Variants in RASGEF1C observed in about 807,000 individuals in gnomAD.
The protein encoded by RASGEF1C is RasGEF domain family member 1C.
A neutral mutation model predicts 58.1 loss-of-function variants in RASGEF1C; 27 were observed. That is an observed-to-expected ratio of 0.46 (90% CI 0.34 to 0.64). The LOEUF is 0.64. Among genes scored for constraint, RASGEF1C ranks in the 30% least tolerant of loss-of-function variants. The pLI is 0.01. For synonymous variants in RASGEF1C, 243 were observed against 246.3 expected (o/e 0.99, Z 0.13); for missense variants, 502 against 605.1 (o/e 0.83, Z 1.79).
At chr5:180,176,077 C>T (rs1319497123) in intron 1 of RASGEF1C, among the ~76,000 whole-genome samples, 1 of 152,256 alleles carries the variant, frequency 6.6e-6, no homozygotes, top group African/African-American at 2.4e-5. Flanking sequence ...ATCAGCCCAA[C>T]CCAAAGAGGC....
chr5:180,191,525 T>A (rs1435204125), intron 1 of RASGEF1C, among the ~76,000 whole-genome samples: 1 of 151,708 alleles, frequency 6.6e-6, no homozygotes, highest in Non-Finnish European at 1.5e-5. Context: ...GCCGGCTGAT[T>A]TTTTGTATAT....
At chr5:180,192,260 T>A (rs994409328) in intron 1 of RASGEF1C, among the ~76,000 whole-genome samples, 3 of 152,148 alleles carry the variant, frequency 2.0e-5, no homozygotes, top group African/African-American at 7.2e-5. Flanking sequence ...TTGGAACCCA[T>A]ACAATGGAAA....
chr5:180,136,532 G>C lies in RASGEF1C; in HGVS notation c.301-17C>G, dbSNP rs2890346. ...GACCCGGGCCTACGGGCAAGCGAGG[G>C]GCACCGCGCTCGTGAGGGGCGCCGG... On this transcript the variant is annotated splice_polypyrimidine_tract_variant and intron_variant, in intron 3 of 13. Transcript: ENST00000361132. 536,790 of 1,565,376 alleles carry C rather than the reference G, an allele frequency of 0.34. 96,290 individuals carry two copies. Among genetic ancestry groups the C allele is most frequent in the Non-Finnish European group, 0.37 (431,000 of 1,154,350 alleles).
chr5:180,190,472 A>G (rs192146466), intron 1 of RASGEF1C, among the ~76,000 whole-genome samples: 1 of 123,488 alleles, frequency 8.1e-6, no homozygotes, highest in Admixed American at 9.0e-5. Flanking sequence ...ACTGGGTGAC[A>G]GAGTGAGACT....
intron 1 of RASGEF1C, among the ~76,000 whole-genome samples, chr5:180,144,657 T>TA (rs896988577): frequency 1.4e-4 from 21 of 151,886 alleles, no homozygotes; most frequent in Non-Finnish European, 2.8e-4. Flanking sequence ...AAATAAAAAT[T>TA]AAAAAAATAT....
At chr5:180,144,172 A>G (rs1766628722) in intron 1 of RASGEF1C, among the ~76,000 whole-genome samples, 1 of 152,186 alleles carries the variant, frequency 6.6e-6, no homozygotes, top group South Asian at 2.1e-4. Flanking sequence ...ACTGCTGTTA[A>G]CCAAGGCTCT....
At chr5:180,154,917 C>A (rs1382104801) in intron 1 of RASGEF1C, among the ~76,000 whole-genome samples, 1 of 152,154 alleles carries the variant, frequency 6.6e-6, no homozygotes, top group Non-Finnish European at 1.5e-5. Context: ...AGCTCCTGGC[C>A]CTGGACCTTT....
At chr5:180,200,799 TCCTCTAA>T (rs1283551610) in intron 1 of RASGEF1C, among the ~76,000 whole-genome samples, 1 of 151,948 alleles carries the variant, frequency 6.6e-6, no homozygotes, top group Non-Finnish European at 1.5e-5. Flanking sequence ...GGGCGCGCGC[TCCTCTAA>T]CTGGTGTGGG....
At position 180,126,234 on chromosome 5, in the gene RASGEF1C, T is replaced by C. The variant is rs371912775; in HGVS notation, c.714+1375A>G. ...CATCATGGCTTACACGGTGAAACCC[T>C]GTCTCTACTAAAAATACAAAAAATT... is the stretch of plus-strand genomic sequence containing the variant. On this transcript the variant is annotated intron_variant, in intron 6 of 13. Coordinates refer to ENST00000361132, the MANE Select transcript of RASGEF1C (RefSeq NM_175062.4). Among the ~76,000 whole-genome samples, 1,341 of 152,218 alleles carry C rather than the reference T, an allele frequency of 8.8e-3. 19 individuals carry two copies. The highest frequency in any genetic ancestry group is 0.03 in the African/African-American group (1,265 of 41,518).
At chr5:180,121,988 G>A (rs142447851) in intron 6 of RASGEF1C, among the ~76,000 whole-genome samples, 2,162 of 152,240 alleles carry the variant, frequency 0.014, 21 homozygotes, top group Non-Finnish European at 0.023. Flanking sequence ...ATTCCCATGC[G>A]CACAAAGGCT....
intron 4 of RASGEF1C, among the ~76,000 whole-genome samples, chr5:180,135,053 C>CA (rs1554112748): frequency 2.8e-5 from 4 of 144,366 alleles, no homozygotes; most frequent in Admixed American, 7.0e-5. Flanking sequence ...CCACCCCCCC[C>CA]GTCCAATCAT....
intron 1 of RASGEF1C, among the ~76,000 whole-genome samples, chr5:180,174,761 C>T (rs1180873649): frequency 1.3e-5 from 2 of 152,142 alleles, no homozygotes; most frequent in South Asian, 2.1e-4. Context: ...GCGCACAGAT[C>T]GCACACACGA....
intron 1 of RASGEF1C, among the ~76,000 whole-genome samples, chr5:180,207,530 G>C (rs1319868660): frequency 6.6e-6 from 1 of 152,152 alleles, no homozygotes; most frequent in Non-Finnish European, 1.5e-5. Flanking sequence ...ACCCCGGCCT[G>C]AAAAGGGCCA....
chr5:180,153,087 G>T (rs184704983), intron 1 of RASGEF1C, among the ~76,000 whole-genome samples: 5 of 152,014 alleles, frequency 3.3e-5, no homozygotes, highest in Admixed American at 6.6e-5. Context: ...GTCCTTAAAT[G>T]CCTGGCTCCC....
intron 1 of RASGEF1C, among the ~76,000 whole-genome samples, chr5:180,203,538 C>G (rs1756435692): frequency 6.6e-6 from 1 of 152,220 alleles, no homozygotes; most frequent in Non-Finnish European, 1.5e-5. Context: ...CTAGCTGAGT[C>G]TCTACATGAG....
intron 11 of RASGEF1C, among the ~76,000 whole-genome samples, chr5:180,113,562 C>T (rs368893962): frequency 2.8e-5 from 2 of 72,054 alleles, no homozygotes; most frequent in Non-Finnish European, 5.3e-5. Context: ...CCGGGATGGA[C>T]GGAGGGACCG....
chr5:180,154,130 C>A (rs1409396478), intron 1 of RASGEF1C, among the ~76,000 whole-genome samples: 1 of 152,178 alleles, frequency 6.6e-6, no homozygotes, highest in Admixed American at 6.5e-5. Context: ...CGAGAAGAGG[C>A]CGGAATTCTA....
intron 1 of RASGEF1C, among the ~76,000 whole-genome samples, chr5:180,184,966 T>G (rs555352660): frequency 6.6e-6 from 1 of 152,144 alleles, no homozygotes; most frequent in Non-Finnish European, 1.5e-5. Context: ...TGTCATCTGT[T>G]TCTCAATAAT....
At chr5:180,186,970 CA>C (rs1756055298) in intron 1 of RASGEF1C, among the ~76,000 whole-genome samples, 1 of 151,532 alleles carries the variant, frequency 6.6e-6, no homozygotes, top group African/African-American at 2.4e-5. Flanking sequence ...AACAAACAAA[CA>C]AAACAAAAAA....
Sources: allele counts gnomAD v4.1 joint callset (sites outside exome capture counted in the v4.1 genomes callset), GRCh38; gene constraint gnomAD v4.1.1; transcripts MANE v1.5; gene names NCBI Gene and HGNC (gene_info 2026-07-23, HGNC 2026-07-21).